The following NRXN3 variants were observed in gnomAD, a reference collection of about 807,000 sequenced individuals.
NRXN3 encodes the protein neurexin III.
NRXN3 carries 32 observed loss-of-function variants against 137.6 expected under a neutral mutation model. That is an observed-to-expected ratio of 0.23 (90% CI 0.18 to 0.31). NRXN3 has a LOEUF of 0.31. NRXN3 is among the 10% of genes least tolerant of loss of function. The pLI is 1.00. For missense variants in NRXN3, 1,574 were observed against 2,062.5 expected, an observed-to-expected ratio of 0.76 and a Z score of 4.59; for synonymous variants, 798 against 784.5, an observed-to-expected ratio of 1.02 and a Z score of -0.29.
chr14:79,256,426 A>G (rs142188390), intron 15 of NRXN3, among the ~76,000 whole-genome samples: 250 of 152,318 alleles, frequency 1.6e-3, no homozygotes, highest in African/African-American at 5.3e-3. Context: ...TAGCAATTAC[A>G]CAGAACTTCC....
At chr14:79,024,378 TTAAA>T (rs1228863694) in intron 15 of NRXN3, among the ~76,000 whole-genome samples, 3 of 152,184 alleles carry the variant, frequency 2.0e-5, no homozygotes, top group African/African-American at 7.2e-5. Flanking sequence ...ATTCAGGTTT[TTAAA>T]TAAATAAAAT....
At chr14:78,533,323 T>C (rs2096494649) in intron 4 of NRXN3, among the ~76,000 whole-genome samples, 1 of 151,970 alleles carries the variant, frequency 6.6e-6, no homozygotes, top group South Asian at 2.1e-4. Context: ...TGACCTCAGG[T>C]GATCCGCCCG....
At chr14:79,278,330 G>T (rs866128162) in intron 15 of NRXN3, among the ~76,000 whole-genome samples, 5 of 152,252 alleles carry the variant, frequency 3.3e-5, no homozygotes, top group Middle Eastern at 3.4e-3. Flanking sequence ...TCCTTCCTGC[G>T]CATGAGACAT....
intron 15 of NRXN3, among the ~76,000 whole-genome samples, chr14:79,115,614 G>A (rs972047182): frequency 2.6e-5 from 4 of 152,144 alleles, no homozygotes; most frequent in Non-Finnish European, 5.9e-5. Flanking sequence ...GATTGGCCAG[G>A]GAGAAATGTG....
intron 10 of NRXN3, among the ~76,000 whole-genome samples, chr14:78,825,427 T>G (rs2098963952): frequency 1.3e-5 from 2 of 152,136 alleles, no homozygotes; most frequent in Non-Finnish European, 2.9e-5. Context: ...TTTTTGGTTT[T>G]GAGGTGATTT....
At chr14:78,195,522 TAAAAC>T (rs2061148971) in intron 1 of NRXN3, among the ~76,000 whole-genome samples, 1 of 151,894 alleles carries the variant, frequency 6.6e-6, no homozygotes. Flanking sequence ...AGGAAGGAAA[TAAAAC>T]AAAGTAAAGG....
chr14:79,171,414 C>G (rs1326028779), intron 15 of NRXN3, among the ~76,000 whole-genome samples: 1 of 152,218 alleles, frequency 6.6e-6, no homozygotes, highest in East Asian at 1.9e-4. Context: ...AGAAATCTTC[C>G]TAGTTTCTTC....
chr14:78,552,719 T>C (rs1236643135), intron 4 of NRXN3, among the ~76,000 whole-genome samples: 2 of 152,060 alleles, frequency 1.3e-5, no homozygotes, highest in Non-Finnish European at 2.9e-5. Flanking sequence ...AACAACATTT[T>C]TGAGGAGAAG....
chr14:78,188,077 G>A (rs1362725726), intron 1 of NRXN3, among the ~76,000 whole-genome samples: 1 of 152,136 alleles, frequency 6.6e-6, no homozygotes, highest in East Asian at 1.9e-4. Flanking sequence ...TGTCACCCTG[G>A]CTTTAGAGAT....
At chr14:78,448,336 T>C (rs2094470532) in intron 4 of NRXN3, among the ~76,000 whole-genome samples, 1 of 152,238 alleles carries the variant, frequency 6.6e-6, no homozygotes, top group Non-Finnish European at 1.5e-5. Flanking sequence ...ACAGCACTCA[T>C]GGCCTTAGGC....
chr14:79,562,482 T>C (rs1171428662), intron 16 of NRXN3, among the ~76,000 whole-genome samples: 8 of 152,152 alleles, frequency 5.3e-5, no homozygotes, highest in Admixed American at 2.0e-4. Flanking sequence ...TGTTGTATCA[T>C]ATAAAATGAT....
At chr14:78,421,281 AAAAG>A (rs2093435045) in intron 4 of NRXN3, among the ~76,000 whole-genome samples, 1 of 151,920 alleles carries the variant, frequency 6.6e-6, no homozygotes, top group East Asian at 1.9e-4. Context: ...AAAAAGAAAA[AAAAG>A]AAAAGAAAAC....
At chr14:79,257,384 G>A (rs1423943882) in intron 15 of NRXN3, among the ~76,000 whole-genome samples, 3 of 118,930 alleles carry the variant, frequency 2.5e-5, no homozygotes, top group Non-Finnish European at 3.5e-5. Flanking sequence ...TGGTGGTGGT[G>A]GTGATGGTGG....
intron 4 of NRXN3, among the ~76,000 whole-genome samples, chr14:78,359,502 G>A (rs371885345): frequency 6.6e-6 from 1 of 152,076 alleles, no homozygotes; most frequent in East Asian, 1.9e-4. Context: ...TTTTCCCTTT[G>A]TGCTGAGTCC....
intron 19 of NRXN3, among the ~76,000 whole-genome samples, chr14:79,720,222 A>G (rs1196734112): frequency 6.6e-6 from 1 of 152,066 alleles, no homozygotes; most frequent in Non-Finnish European, 1.5e-5. Flanking sequence ...GCGAGCTCCC[A>G]TTTATAAAAC....
rs777102288 is a variant in NRXN3, at chr14:78,243,309, C to T, written c.216C>T (p.Val72=). The T allele has an allele frequency of 6.4e-7, 1 of 1,558,884 alleles. No homozygotes were observed. Among genetic ancestry groups the T allele is most frequent in the Non-Finnish European group, 8.6e-7 (1 of 1,159,892 alleles). ...GLLLYLDDGG[V]CDFLCLSLVD... ...TCCTCTACCTGGATGATGGCGGCGT[C>T]TGCGACTTCCTATGCCTCTCCCTGG... The change falls in exon 2 of 21, where the codon GTC becomes GTT. Residue 72 remains valine, a synonymous_variant. Transcript: ENST00000335750. This position sits in a 1 kb window ranked among gnomAD's most constrained non-coding sequence, Gnocchi z 4.2.
intron 8 of NRXN3, among the ~76,000 whole-genome samples, chr14:78,799,578 T>G (rs1037166136): frequency 3.3e-5 from 5 of 152,212 alleles, no homozygotes; most frequent in African/African-American, 1.2e-4. Flanking sequence ...TTCAGGTATC[T>G]TTACAGCAGT....
rs368431106 is a variant in NRXN3, at chr14:79,765,972, A to G, written c.4015-39140A>G. Among the ~76,000 whole-genome samples, 710 of 152,352 alleles carry G rather than the reference A, an allele frequency of 4.7e-3. 39 individuals carry two copies. In the South Asian group the frequency reaches 0.13, roughly 28 times the overall value. On this transcript the variant is annotated intron_variant, in intron 19 of 20. Coordinates refer to ENST00000335750, the MANE Select transcript of NRXN3 (RefSeq NM_001330195.2). ...TGCATTGACATGTAAAGATGTTTCC[A>G]GTATAAAGTAGAAAAAAATGGGTTT...
chr14:78,421,728 T>G (rs1415703672), intron 4 of NRXN3, among the ~76,000 whole-genome samples: 1 of 152,150 alleles, frequency 6.6e-6, no homozygotes, highest in Non-Finnish European at 1.5e-5. Flanking sequence ...TCTCACTATA[T>G]TGCTCAGGCT....
Sources: gnomAD v4.1 joint callset for allele counts (sites outside exome capture counted in the v4.1 genomes callset) on GRCh38, gnomAD v4.1.1 for gene constraint, Gnocchi (gnomAD v3.1) non-coding constraint, MANE v1.5 for transcripts, NCBI Gene and HGNC (gene_info 2026-07-23, HGNC 2026-07-21) for gene names.